FHIT: variants seen among roughly 807,000 people sequenced by gnomAD.
FHIT encodes fragile histidine triad diadenosine triphosphatase, also known as bis(5'-adenosyl)-triphosphatase.
In FHIT, 19 loss-of-function variants were observed where a neutral mutation model predicts 17.9. That is an observed-to-expected ratio of 1.06 (90% CI 0.74 to 1.56). The LOEUF is 1.56. Ranked by LOEUF, FHIT falls within the 40% of genes most tolerant of loss-of-function variation. FHIT has a pLI of 0.00. For synonymous variants in FHIT, 81 were observed against 69.7 expected (o/e 1.16, Z -0.81); for missense variants, 248 against 189.2 (o/e 1.31, Z -1.82).
chr3:59,860,518 A>G (rs1559672204), intron 8 of FHIT, among the ~76,000 whole-genome samples: 1 of 152,194 alleles, frequency 6.6e-6, no homozygotes, highest in East Asian at 1.9e-4. Flanking sequence ...TGTTATTCCA[A>G]ATCACCACCC....
intron 5 of FHIT, among the ~76,000 whole-genome samples, chr3:60,169,397 T>C (rs1701319887): frequency 6.6e-6 from 1 of 152,178 alleles, no homozygotes; most frequent in Non-Finnish European, 1.5e-5. Context: ...CAAAAGCATG[T>C]TGGCTAATTT....
At chr3:59,969,416 A>G (rs1300503847) in intron 7 of FHIT, among the ~76,000 whole-genome samples, 3 of 152,118 alleles carry the variant, frequency 2.0e-5, no homozygotes, top group Non-Finnish European at 2.9e-5. Flanking sequence ...TTTGGGCTCT[A>G]ATATGAGTTA....
At chr3:60,910,676 T>G (rs1335273025) in intron 3 of FHIT, among the ~76,000 whole-genome samples, 1 of 152,138 alleles carries the variant, frequency 6.6e-6, no homozygotes, top group Non-Finnish European at 1.5e-5. Flanking sequence ...CCTCCCAAAG[T>G]GCTGGGATTA....
intron 3 of FHIT, among the ~76,000 whole-genome samples, chr3:60,969,167 G>C (rs966232628): frequency 6.6e-6 from 1 of 152,106 alleles, no homozygotes; most frequent in South Asian, 2.1e-4. Context: ...GCTCTTTTTT[G>C]TGGGAAGATT....
intron 2 of FHIT, among the ~76,000 whole-genome samples, chr3:61,165,997 C>T (rs1179604956): frequency 6.6e-6 from 1 of 152,120 alleles, no homozygotes; most frequent in Admixed American, 6.5e-5. Context: ...AGGCCTGGAA[C>T]CCAGGGTTGG....
At chr3:60,255,912 G>A (rs1269980435) in intron 5 of FHIT, among the ~76,000 whole-genome samples, 1 of 152,130 alleles carries the variant, frequency 6.6e-6, no homozygotes, top group Admixed American at 6.5e-5. Context: ...TAGTGCTATG[G>A]CTTATTTCAT....
At chr3:61,204,733 G>C (rs552148768) in intron 1 of FHIT, among the ~76,000 whole-genome samples, 3 of 151,938 alleles carry the variant, frequency 2.0e-5, no homozygotes, top group East Asian at 3.9e-4. Flanking sequence ...CACGGAAATA[G>C]GAACCAAAAA....
At chr3:60,495,072 A>C (rs191126238) in intron 5 of FHIT, among the ~76,000 whole-genome samples, 84 of 152,266 alleles carry the variant, frequency 5.5e-4, no homozygotes, top group African/African-American at 2.0e-3. Flanking sequence ...TGGCTGTACT[A>C]ATTTACATTC....
At chr3:60,595,545 G>A (rs1391917031) in intron 4 of FHIT, among the ~76,000 whole-genome samples, 1 of 150,956 alleles carries the variant, frequency 6.6e-6, no homozygotes, top group African/African-American at 2.4e-5. Flanking sequence ...ATATATGTGT[G>A]TGTATATATG....
intron 3 of FHIT, among the ~76,000 whole-genome samples, chr3:60,830,833 C>T (rs1324697473): frequency 6.6e-6 from 1 of 152,182 alleles, no homozygotes; most frequent in Non-Finnish European, 1.5e-5. Flanking sequence ...CACACACACA[C>T]ACAAAACAAA....
At chr3:60,566,644 A>G (rs914718976) in intron 4 of FHIT, among the ~76,000 whole-genome samples, 2 of 152,172 alleles carry the variant, frequency 1.3e-5, no homozygotes, top group African/African-American at 2.4e-5. Context: ...AAGGGCATTC[A>G]GTTAAGAAAA....
intron 7 of FHIT, among the ~76,000 whole-genome samples, chr3:60,003,552 C>T (rs666083): frequency 6.6e-6 from 1 of 151,876 alleles, no homozygotes; most frequent in African/African-American, 2.4e-5. Context: ...TGAGACCAGC[C>T]TGGCCAACAT....
chr3:60,102,691 A>G (rs1479513612), intron 5 of FHIT, among the ~76,000 whole-genome samples: 1 of 152,164 alleles, frequency 6.6e-6, no homozygotes, highest in Non-Finnish European at 1.5e-5. Context: ...ACCCATGTCA[A>G]TAACACTCCC....
intron 3 of FHIT, among the ~76,000 whole-genome samples, chr3:60,900,287 G>A (rs1347240609): frequency 2.6e-5 from 4 of 152,086 alleles, no homozygotes; most frequent in African/African-American, 9.7e-5. Context: ...GTAGCCAGGT[G>A]TGGTGGCCAT....
At chr3:60,490,404 C>T (rs1489969109) in intron 5 of FHIT, among the ~76,000 whole-genome samples, 2 of 151,934 alleles carry the variant, frequency 1.3e-5, no homozygotes, top group African/African-American at 4.8e-5. Context: ...CGTATGTGTG[C>T]TAGACATTCC....
chr3:60,298,894 T>C (rs1708328327), intron 5 of FHIT, among the ~76,000 whole-genome samples: 2 of 152,108 alleles, frequency 1.3e-5, no homozygotes, highest in Admixed American at 6.6e-5. Flanking sequence ...TTGTAAATAA[T>C]TAAGAAGACC....
At chr3:59,888,690 T>C (rs1382594870) in intron 8 of FHIT, among the ~76,000 whole-genome samples, 3 of 152,214 alleles carry the variant, frequency 2.0e-5, no homozygotes, top group Non-Finnish European at 1.5e-5. Flanking sequence ...CTAGTCTCCA[T>C]ACCACCAGTG....
chr3:60,470,044 T>TCC (rs375745984), intron 5 of FHIT, among the ~76,000 whole-genome samples: 16,069 of 123,390 alleles, frequency 0.13, 1,906 homozygotes, highest in African/African-American at 0.33. Context: ...CTCTCCCCTC[T>TCC]CCTCTCTCTT....
chr3:60,862,105 G>A (rs1261110340), intron 3 of FHIT, among the ~76,000 whole-genome samples: 8 of 152,108 alleles, frequency 5.3e-5, no homozygotes, highest in African/African-American at 1.9e-4. Flanking sequence ...ATATAACTTG[G>A]TAAATAAAAC....
Sources: gnomAD v4.1 joint callset for allele counts (sites outside exome capture counted in the v4.1 genomes callset) on GRCh38, gnomAD v4.1.1 for gene constraint, MANE v1.5 for transcripts, NCBI Gene and HGNC (gene_info 2026-07-23, HGNC 2026-07-21) for gene names.